ITGA2B: variants seen among roughly 807,000 people sequenced by gnomAD.
The protein encoded by ITGA2B is integrin subunit alpha 2b, also known as integrin alpha-IIb.
A neutral mutation model predicts 142.0 loss-of-function variants in ITGA2B; 91 were observed. The observed-to-expected ratio is 0.64, with a 90% CI of 0.54 to 0.76. ITGA2B has a LOEUF of 0.76. Among genes scored for constraint, ITGA2B ranks in the 30% least tolerant of loss-of-function variants. The pLI, the probability that ITGA2B is intolerant of heterozygous loss-of-function variation, is 0.00. For synonymous variants in ITGA2B, 536 were observed against 567.2 expected, an observed-to-expected ratio of 0.94 and a Z score of 0.78; for missense variants, 1,231 against 1,350.8, an observed-to-expected ratio of 0.91 and a Z score of 1.39.
intron 29 of ITGA2B, among the ~76,000 whole-genome samples, chr17:44,373,358 G>A (rs1320124779): frequency 4.6e-5 from 7 of 151,886 alleles, no homozygotes; most frequent in Admixed American, 3.9e-4. Flanking sequence ...GGCTGGTCTC[G>A]AACTCCTGAC....
At chr17:44,388,405 G>T (rs1368164422) in intron 1 of ITGA2B, among the ~76,000 whole-genome samples, 1 of 146,640 alleles carries the variant, frequency 6.8e-6, no homozygotes, top group Admixed American at 6.9e-5. Flanking sequence ...TGCCCAGGCT[G>T]GAGTGCAATG....
chr17:44,387,067 A>AT (rs1009507760), intron 1 of ITGA2B, among the ~76,000 whole-genome samples: 1 of 151,434 alleles, frequency 6.6e-6, no homozygotes, highest in South Asian at 2.1e-4. Context: ...GGCCCATAAT[A>AT]TTTTTTTAGC....
chr17:44,387,825 T>A (rs1327500770), intron 1 of ITGA2B, among the ~76,000 whole-genome samples: 3 of 12,774 alleles, frequency 2.3e-4, no homozygotes, highest in East Asian at 2.3e-3. Flanking sequence ...AAACCCCATC[T>A]CAAAAAAAAA....
At chr17:44,374,872 G>T in intron 27 of ITGA2B, 112 bp from the exon 28 acceptor site, 1 of 1,251,600 alleles carries the variant, frequency 8.0e-7, no homozygotes. Context: ...TAATCCCACT[G>T]CAATCCCCCA....
rs1190612716 is a variant in ITGA2B, at chr17:44,379,691, G to T, written c.1876C>A (p.Gln626Lys). 2 of 1,613,718 alleles carry T rather than the reference G, an allele frequency of 1.2e-6. No individual in the cohort carries two copies. The highest frequency in any genetic ancestry group is 4.5e-5 in the East Asian group (2 of 44,834). ...VLHGDTHVQE[Q>K]TRIVLDCGED... ...GGCCTGTCCCTGCCTGTCCCTACCT[G>T]CTCCTGCACATGGGTGTCTCCATGC... is the stretch of plus-strand genomic sequence containing the variant. The change falls in exon 18 of 30, where the codon CAG becomes AAG. Residue 626 changes from glutamine (Q) to lysine (K), a missense_variant and splice_region_variant. By Grantham distance (53) the Gln-to-Lys change is moderately conservative. Around this residue, in one of 3 missense-constraint regions of ITGA2B, gnomAD observed 908 missense variants for 1,021.1 expected, o/e 0.89. Transcript: ENST00000262407.
rs556258793 is a variant in ITGA2B, at chr17:44,383,547, G to T, written c.1156C>A (p.Arg386=). ...AGGGGTGCGATGGCAGAGCCGAATC[G>T]CCCATAGAGCTGTGTGCCAGTCAGC... ...LLLTGTQLYG[R]FGSAIAPLGD... is the part of the protein sequence containing the mutation. The change falls in exon 12 of 30, where the codon CGA becomes AGA. Residue 386 remains arginine, a synonymous_variant. Transcript: ENST00000262407. 7 of 1,611,742 alleles carry T rather than the reference G, an allele frequency of 4.3e-6. No homozygotes were observed. The highest frequency in any genetic ancestry group is 1.1e-5 in the South Asian group (1 of 90,826).
At position 44,383,773 on chromosome 17, in the gene ITGA2B, C is replaced by A. The variant is rs143546498; in HGVS notation, c.999-69G>T. The A allele has an allele frequency of 3.3e-4, 517 of 1,549,130 alleles. No homozygotes were observed. In the African/African-American group the frequency reaches 6.4e-3, roughly 19 times the overall value. ...TATTGGGGCTAGGGCCAAATCTCCT[C>A]GACCCTTGCTCTCCTGTTCCTCCAG... is the stretch of plus-strand genomic sequence containing the variant. On this transcript the variant is annotated intron_variant, in intron 11 of 29. Coordinates refer to ENST00000262407, the MANE Select transcript of ITGA2B (RefSeq NM_000419.5).
intron 17 of ITGA2B, 74 bp downstream of exon 17, chr17:44,379,928 C>T (rs1169630077): frequency 1.2e-6 from 2 of 1,612,914 alleles, no homozygotes; most frequent in Non-Finnish European, 1.7e-6. Flanking sequence ...AGCTCAGTGC[C>T]CCAGGGCTAG....
chr17:44,378,439 C>A lies in ITGA2B; in HGVS notation c.2017G>T (p.Glu673Ter), dbSNP rs368974006. 1 of 1,613,482 alleles carries A rather than the reference C, an allele frequency of 6.2e-7. No individual in the cohort carries two copies. Among genetic ancestry groups the A allele is most frequent in the African/African-American group, 1.3e-5 (1 of 75,058 alleles). ...ELQMDAANEG[E>*]GAYEAELAVH... The stretch of plus-strand genomic sequence containing the variant: ...GCCAGCTCTGCTTCATAGGCCCCCT[C>A]GCCCTCGTTGGCTGCGTCCATCTGC... The change falls in exon 20 of 30, where the codon GAG becomes TAG. Residue 673 changes from glutamate (E) to a stop codon, truncating the protein, a stop_gained. Transcript: ENST00000262407. LOFTEE classifies it high-confidence loss of function.
rs2143485154 is a variant in ITGA2B at position 44,385,187 on chromosome 17, G to A, written c.647C>T (p.Ala216Val). Residue 216 changes from alanine to valine, a missense_variant, in exon 6 of 30, where the codon GCT (alanine) becomes GTT (valine). Ala to Val is a moderately conservative substitution (Grantham distance 64, BLOSUM62 0). This residue lies in a region of ITGA2B where 318 missense variants were observed against 312.2 expected (regional missense o/e 1.02). Transcript: ENST00000262407. ...VTQAGELVLGAPGGYYFLGLL... is the reference protein window; with the variant it reads ...VTQAGELVLGVPGGYYFLGLL... ...ACCTAAGAAATAATAGCCGCCAGGAGCCCCAAGCACCAGCTCTCCGGCCTG... is the reference window on the plus strand; with the variant it reads ...ACCTAAGAAATAATAGCCGCCAGGAACCCCAAGCACCAGCTCTCCGGCCTG... The A allele has an allele frequency of 1.2e-6, 2 of 1,614,066 alleles. No individual in the cohort carries two copies.
chr17:44,383,666 TC>T lies in ITGA2B; in HGVS notation c.1036del (p.Glu346ArgfsTer33). ...DLLVGAPLYM[E>X]SRADRKLAEV... ...GGCCAGTTTTCGGTCTGCCCGGCTC[TC>T]CATATACAGTGGAGCGCCCACCAGC... is the stretch of plus-strand genomic sequence containing the variant. On this transcript the variant is annotated frameshift_variant, in exon 12 of 30. Transcript: ENST00000262407. LOFTEE classifies it high-confidence loss of function. 6.3e-7 allele frequency: 1 copy of T among 1,593,014 alleles called. No homozygotes were observed.
rs1303152867 is a variant in ITGA2B at position 44,375,910 on chromosome 17, C to T, written c.2524G>A (p.Asp842Asn). 6.2e-7 allele frequency: 1 copy of T among 1,612,948 alleles called. No individual in the cohort carries two copies. Among genetic ancestry groups the T allele is most frequent in the African/African-American group, 1.3e-5 (1 of 75,022 alleles). Reference protein sequence around the residue: ...IHLPGQSQPSDLLYILDIQPQ... With the variant: ...IHLPGQSQPSNLLYILDIQPQ... ...TGTATATCCAGGATGTAGAGCAGGT[C>T]GGAGGGCTGGGACTGTCCCGGAAGG... Residue 842 changes from aspartate (D) to asparagine (N), a missense_variant, in exon 25 of 30, where the codon GAC becomes AAC. By Grantham distance (23) the Asp-to-Asn change is conservative. This residue lies in a region of ITGA2B where 908 missense variants were observed against 1,021.1 expected (regional missense o/e 0.89). Coordinates refer to ENST00000262407, the MANE Select transcript of ITGA2B (RefSeq NM_000419.5).
At chr17:44,379,659 C>T in intron 18 of ITGA2B, 30 bp downstream of exon 18, 1 of 1,613,792 alleles carries the variant, frequency 6.2e-7, no homozygotes, top group Non-Finnish European at 8.5e-7. Context: ...GGGTCCTGCA[C>T]CTCCCTGGCC....
intron 1 of ITGA2B, among the ~76,000 whole-genome samples, chr17:44,388,902 T>C (rs1000525625): frequency 6.7e-6 from 1 of 148,696 alleles, no homozygotes; most frequent in African/African-American, 2.5e-5. Context: ...CGACCTCAGG[T>C]GATCTGCCCG....
chr17:44,385,484 C>A, intron 4 of ITGA2B, 67 bp downstream of exon 4: 1 of 1,318,562 alleles, frequency 7.6e-7, no homozygotes. Flanking sequence ...GCGCTGGGGG[C>A]GGGATCCGAT....
At chr17:44,388,041 G>A (rs1297654777) in intron 1 of ITGA2B, among the ~76,000 whole-genome samples, 1 of 151,858 alleles carries the variant, frequency 6.6e-6, no homozygotes, top group Non-Finnish European at 1.5e-5. Context: ...AATCCCCTAA[G>A]TGGCTGACAC....
chr17:44,377,864 G>A (rs2048559013), intron 20 of ITGA2B, 74 bp from the exon 21 acceptor site: 3 of 858,782 alleles, frequency 3.5e-6, no homozygotes, highest in Middle Eastern at 2.4e-4. Flanking sequence ...TGGAAGGTCT[G>A]GAAAGATTTG....
Position 44,383,898 on chromosome 17 carries a change from C to A in ITGA2B, c.994G>T (p.Asp332Tyr), listed in dbSNP as rs2048619322. The part of the protein sequence containing the change: ...HSVAVTDVNG[D>Y]GRHDLLVGAP... Reference sequence around the variant, plus strand: ...GTGGGGCATGTCCCTCCTCACCCATCCCCGTTGACGTCAGTGACAGCCACT... The same window carrying A: ...GTGGGGCATGTCCCTCCTCACCCATACCCGTTGACGTCAGTGACAGCCACT... The change falls in exon 11 of 30, where the codon GAT (aspartate) becomes TAT (tyrosine). Residue 332 changes from aspartate to tyrosine, a missense_variant. This residue lies in a region of ITGA2B where 908 missense variants were observed against 1,021.1 expected (regional missense o/e 0.89). Transcript: ENST00000262407. The A allele has an allele frequency of 6.2e-7, 1 of 1,613,804 alleles. No homozygotes were observed. The highest frequency in any genetic ancestry group is 8.5e-7 in the Non-Finnish European group (1 of 1,179,992).
chr17:44,375,106 G>A lies in ITGA2B; in HGVS notation c.2733C>T (p.Cys911=), dbSNP rs868106253. Residue 911 remains cysteine, a synonymous_variant, in exon 27 of 30, where the codon TGC becomes TGT. Coordinates refer to ENST00000262407, the MANE Select transcript of ITGA2B (RefSeq NM_000419.5). ...GCACCACAGTACAGGGCGCCGAGTC[G>A]CAGCTCTGAGGGGAAGCATCGTCAG... ...SRLQDPVLVS[C]DSAPCTVVQC... 8.4e-6 allele frequency: 13 copies of A among 1,548,738 alleles called. No individual in the cohort carries two copies. In the Middle Eastern group the frequency reaches 8.4e-4, roughly 100 times the overall value.
Sources: allele counts gnomAD v4.1 joint callset (sites outside exome capture counted in the v4.1 genomes callset), GRCh38; gene constraint gnomAD v4.1.1; regional missense constraint gnomAD v4.1.1; transcripts MANE v1.5; gene names NCBI Gene and HGNC (gene_info 2026-07-23, HGNC 2026-07-21).